BLM: variants seen among roughly 807,000 people sequenced by gnomAD.
BLM encodes recQ-like DNA helicase BLM.
A neutral mutation model predicts 135.3 loss-of-function variants in BLM; 95 were observed. That is an observed-to-expected ratio of 0.70 (90% confidence interval 0.59 to 0.83). The LOEUF (loss-of-function observed/expected upper bound fraction) is 0.83, where lower values mean the gene tolerates loss of function less well. Ranked by LOEUF, BLM falls within the 40% of genes least tolerant of loss-of-function variation. BLM has a pLI of 0.00. For missense variants in BLM, 1,518 were observed against 1,663.9 expected, an observed-to-expected ratio of 0.91 and a Z score of 1.53; for synonymous variants, 520 against 589.2, an observed-to-expected ratio of 0.88 and a Z score of 1.70.
chr15:90,772,233 A>G (rs1209120422), intron 12 of BLM, among the ~76,000 whole-genome samples: 1 of 152,138 alleles, frequency 6.6e-6, no homozygotes, highest in Non-Finnish European at 1.5e-5. Context: ...GGTATTCCTA[A>G]GGTTGAAGCC....
intron 16 of BLM, among the ~76,000 whole-genome samples, chr15:90,796,652 T>A (rs1897034083): frequency 6.6e-6 from 1 of 152,160 alleles, no homozygotes. Context: ...AAGATAATGA[T>A]TGCCTACAGC....
chr15:90,775,837 C>G (rs921051533), intron 12 of BLM, among the ~76,000 whole-genome samples: 1 of 151,968 alleles, frequency 6.6e-6, no homozygotes, highest in African/African-American at 2.4e-5. Flanking sequence ...GAGAATGTAT[C>G]TCTTAATGAG....
At chr15:90,754,658 G>T (rs1895767917) in intron 4 of BLM, among the ~76,000 whole-genome samples, 153 bp from the exon 5 acceptor site, 1 of 152,198 alleles carries the variant, frequency 6.6e-6, no homozygotes, top group Non-Finnish European at 1.5e-5. Flanking sequence ...ACCAGCTAAA[G>T]AAGTTTTATA....
At chr15:90,730,876 T>A (rs1381038677) in intron 1 of BLM, among the ~76,000 whole-genome samples, 1 of 152,168 alleles carries the variant, frequency 6.6e-6, no homozygotes, top group Non-Finnish European at 1.5e-5. Flanking sequence ...ATTAATTGAT[T>A]TTTAAATGTT....
chr15:90,814,205 C>A (rs924360844), intron 21 of BLM, among the ~76,000 whole-genome samples: 1 of 152,124 alleles, frequency 6.6e-6, no homozygotes, highest in African/African-American at 2.4e-5. Flanking sequence ...TCAATTCAGA[C>A]GGGAGGCTAC....
intron 14 of BLM, among the ~76,000 whole-genome samples, chr15:90,788,660 A>G (rs1896819986): frequency 1.3e-5 from 2 of 152,094 alleles, no homozygotes; most frequent in Non-Finnish European, 2.9e-5. Flanking sequence ...TGTAAAAACA[A>G]TACATGATAA....
At chr15:90,724,953 G>A (rs1460678344) in intron 1 of BLM, among the ~76,000 whole-genome samples, 3 of 152,158 alleles carry the variant, frequency 2.0e-5, no homozygotes, top group Admixed American at 6.5e-5. Context: ...CTGTCGCCCA[G>A]GCTGGAGTGC....
intron 1 of BLM, among the ~76,000 whole-genome samples, chr15:90,727,422 GC>G (rs1365867076): frequency 6.6e-6 from 1 of 152,078 alleles, no homozygotes; most frequent in Non-Finnish European, 1.5e-5. Flanking sequence ...AATATAGTAG[GC>G]CTGAAACTGT....
At chr15:90,730,350 T>C (rs757252070) in intron 1 of BLM, among the ~76,000 whole-genome samples, 4 of 152,208 alleles carry the variant, frequency 2.6e-5, no homozygotes, top group Admixed American at 1.3e-4. Context: ...GAATTGTTCC[T>C]GATCTAAAAA....
intron 12 of BLM, among the ~76,000 whole-genome samples, chr15:90,779,511 A>G (rs982950656): frequency 6.6e-6 from 1 of 152,342 alleles, no homozygotes. Flanking sequence ...CATCATTTGT[A>G]TTCCTAGACA....
intron 5 of BLM, among the ~76,000 whole-genome samples, chr15:90,759,115 A>G (rs995968919): frequency 1.3e-5 from 2 of 152,260 alleles, no homozygotes; most frequent in Non-Finnish European, 2.9e-5. Context: ...ATTAAATATT[A>G]TGAAATTAAA....
intron 1 of BLM, among the ~76,000 whole-genome samples, chr15:90,718,436 C>T (rs763732087): frequency 2.0e-5 from 3 of 152,202 alleles, no homozygotes; most frequent in Non-Finnish European, 4.4e-5. Flanking sequence ...ACTGACAGCT[C>T]CTTGTGCCAC....
chr15:90,723,337 T>C (rs1430629333), intron 1 of BLM, among the ~76,000 whole-genome samples: 2 of 151,664 alleles, frequency 1.3e-5, no homozygotes, highest in African/African-American at 2.4e-5. Flanking sequence ...GATATAGTTT[T>C]TCTTTTCTTT....
intron 1 of BLM, among the ~76,000 whole-genome samples, chr15:90,737,301 A>G (rs760314775): frequency 3.3e-5 from 5 of 152,140 alleles, no homozygotes; most frequent in Non-Finnish European, 7.4e-5. Flanking sequence ...GGATAGATCA[A>G]TGGATGTATA....
At chr15:90,775,279 G>A (rs1217980200) in intron 12 of BLM, among the ~76,000 whole-genome samples, 1 of 152,040 alleles carries the variant, frequency 6.6e-6, no homozygotes, top group African/African-American at 2.4e-5. Context: ...TAAATGGAAT[G>A]GAGGAAGGAA....
At chr15:90,766,810 T>C (rs1341043069) in intron 9 of BLM, 100 bp from the exon 10 acceptor site, 2 of 760,900 alleles carry the variant, frequency 2.6e-6, no homozygotes, top group Non-Finnish European at 4.5e-6. Context: ...TTTGATAGGT[T>C]TGATATGTGA....
chr15:90,800,110 T>A lies in BLM; in HGVS notation c.3358+1773T>A, dbSNP rs148563012. ...TTGGGAGGCCCTGCTTTTTGGCAGATAAGAGATTTCAGATGCCTTCTGCTC... is the reference window on the plus strand; with the variant it reads ...TTGGGAGGCCCTGCTTTTTGGCAGAAAAGAGATTTCAGATGCCTTCTGCTC... On this transcript the variant is annotated intron_variant, in intron 17 of 21. Coordinates refer to ENST00000355112, the MANE Select transcript of BLM (RefSeq NM_000057.4). Among the ~76,000 whole-genome samples the A allele has an allele frequency of 6.7e-3, 1,020 of 152,328 alleles. 7 individuals carry two copies. Among genetic ancestry groups the A allele is most frequent in the Middle Eastern group, 0.01 (3 of 294 alleles).
chr15:90,750,010 A>G lies in BLM; in HGVS notation c.742A>G (p.Ile248Val), dbSNP rs558524280. 39 of 1,614,242 alleles carry G rather than the reference A, an allele frequency of 2.4e-5. No individual in the cohort carries two copies. The South Asian group carries it at 4.1e-4, about 17-fold the overall frequency. Residue 248 changes from isoleucine (I) to valine (V), a missense_variant, in exon 3 of 22, where the codon ATA (isoleucine) becomes GTA (valine). This residue lies in a region of BLM where 724 missense variants were observed against 756.9 expected (regional missense o/e 0.96). Coordinates refer to ENST00000355112, the MANE Select transcript of BLM (RefSeq NM_000057.4). ...TGATGGCCCCATTGCTGAAGTGCAT[A>G]TAAATGAAGATGCTCAGGAAAGTGA... ...IDDGPIAEVH[I>V]NEDAQESDSL...
intron 15 of BLM, among the ~76,000 whole-genome samples, chr15:90,792,959 T>C (rs1197953516): frequency 6.7e-6 from 1 of 149,762 alleles, no homozygotes; most frequent in Non-Finnish European, 1.5e-5. Context: ...GGCCCAAACA[T>C]GGCCAGGCAT....
Sources: gnomAD v4.1 joint callset for allele counts (sites outside exome capture counted in the v4.1 genomes callset) on GRCh38, gnomAD v4.1.1 for gene constraint, gnomAD v4.1.1 regional missense constraint, MANE v1.5 for transcripts, NCBI Gene and HGNC (gene_info 2026-07-23, HGNC 2026-07-21) for gene names.